The following AIG1 variants were observed in gnomAD, a reference collection of about 807,000 sequenced individuals.
AIG1 encodes the protein androgen induced 1, also known as androgen-induced gene 1 protein.
Under a neutral mutation model 31.4 loss-of-function variants are expected in AIG1, and 23 were observed. That is an observed-to-expected ratio of 0.73 (90% CI 0.53 to 1.04). The LOEUF is 1.04. Among genes scored for constraint, AIG1 ranks in the 50% least tolerant of loss-of-function variants. The pLI is 0.00. For synonymous variants in AIG1, 100 were observed against 110.5 expected, an observed-to-expected ratio of 0.90 and a Z score of 0.60; for missense variants, 274 against 295.0, an observed-to-expected ratio of 0.93 and a Z score of 0.52.
chr6:143,318,069 T>C (rs1775911728), intron 4 of AIG1, among the ~76,000 whole-genome samples: 1 of 152,158 alleles, frequency 6.6e-6, no homozygotes, highest in African/African-American at 2.4e-5. Context: ...ATGACCATAC[T>C]GCCAAAAGCA....
intron 3 of AIG1, among the ~76,000 whole-genome samples, chr6:143,272,009 A>T (rs890220622): frequency 2.6e-5 from 4 of 152,222 alleles, no homozygotes; most frequent in Admixed American, 2.6e-4. Context: ...ACTGGTTTGT[A>T]CATTCTCCCT....
intron 1 of AIG1, among the ~76,000 whole-genome samples, chr6:143,131,795 A>G (rs1339077353): frequency 6.6e-6 from 1 of 152,200 alleles, no homozygotes; most frequent in Non-Finnish European, 1.5e-5. Flanking sequence ...TACCCTAACC[A>G]TAAAACCTAG....
chr6:143,260,185 G>C (rs940064014), intron 3 of AIG1, among the ~76,000 whole-genome samples: 2 of 151,952 alleles, frequency 1.3e-5, no homozygotes, highest in Non-Finnish European at 2.9e-5. Flanking sequence ...CACCACGCCT[G>C]GTTAATTTTT....
In AIG1 at chr6:143,338,205, T is replaced by C. The variant is rs1209232244; in HGVS notation, c.680-1434T>C. ...GGACAGAGCTGAGGTTCAAGACACATGTGCTGTTTGAGCTGAATCTGTGCT... is the reference window on the plus strand; with the variant it reads ...GGACAGAGCTGAGGTTCAAGACACACGTGCTGTTTGAGCTGAATCTGTGCT... On this transcript the variant is annotated intron_variant, in intron 5 of 5. Coordinates refer to ENST00000357847, the MANE Select transcript of AIG1 (RefSeq NM_016108.4). This position sits in a 1 kb window ranked among gnomAD's most constrained non-coding sequence, Gnocchi z 4.3. The C allele has an allele frequency of 7.6e-6, 3 of 394,238 alleles. No homozygotes were observed. Among genetic ancestry groups the C allele is most frequent in the Non-Finnish European group, 1.3e-5 (3 of 223,816 alleles). 24.4% of individuals were successfully genotyped at this position (394,238 alleles called of 1,614,324 possible).
chr6:143,165,064 A>G lies in AIG1; in HGVS notation c.298-18A>G. 1.3e-6 allele frequency: 2 copies of G among 1,555,256 alleles called. No homozygotes were observed. The highest frequency in any genetic ancestry group is 2.2e-5 in the East Asian group (1 of 44,548). ...ATAGTCGATGAACTTGAAATAAAAG[A>G]TTTCTTTTTCCTTCCAGTTTGTTGT... is the stretch of plus-strand genomic sequence containing the variant. On this transcript the variant is annotated intron_variant, in intron 2 of 5. Coordinates refer to ENST00000357847, the MANE Select transcript of AIG1 (RefSeq NM_016108.4).
chr6:143,287,324 A>C (rs1039207584), intron 4 of AIG1, among the ~76,000 whole-genome samples: 2 of 152,176 alleles, frequency 1.3e-5, no homozygotes, highest in African/African-American at 4.8e-5. Context: ...TATCTTATTT[A>C]GTTCCCCAAA....
chr6:143,103,657 G>A (rs968743041), intron 1 of AIG1, among the ~76,000 whole-genome samples: 43 of 151,242 alleles, frequency 2.8e-4, no homozygotes, highest in Non-Finnish European at 1.3e-4. Context: ...ACAGGCGCCC[G>A]CCACTACGCC....
intron 1 of AIG1, among the ~76,000 whole-genome samples, chr6:143,094,557 A>C (rs1779585744): frequency 6.6e-6 from 1 of 152,166 alleles, no homozygotes; most frequent in East Asian, 1.9e-4. Flanking sequence ...GGTTTGTTGC[A>C]TGGAGGCCTA....
At chr6:143,263,124 C>A (rs1261769176) in intron 3 of AIG1, among the ~76,000 whole-genome samples, 1 of 152,164 alleles carries the variant, frequency 6.6e-6, no homozygotes, top group Non-Finnish European at 1.5e-5. Context: ...TTTACTCCCC[C>A]CAGTTGTCTT....
chr6:143,242,277 A>G, intron 3 of AIG1, among the ~76,000 whole-genome samples: 1 of 152,218 alleles, frequency 6.6e-6, no homozygotes, highest in East Asian at 1.9e-4. Flanking sequence ...GTTGCTGTGT[A>G]ATATGAGGAA....
chr6:143,209,965 T>G (rs1412484826), intron 3 of AIG1, among the ~76,000 whole-genome samples: 2 of 152,190 alleles, frequency 1.3e-5, no homozygotes, highest in African/African-American at 2.4e-5. Flanking sequence ...TCAAATACAC[T>G]AGTTGATACA....
chr6:143,287,809 A>G (rs566359295), intron 4 of AIG1, among the ~76,000 whole-genome samples: 49 of 151,042 alleles, frequency 3.2e-4, no homozygotes, highest in Non-Finnish European at 5.2e-4. Flanking sequence ...CTCAACAAAT[A>G]GTAGTATAAA....
At position 143,331,111 on chromosome 6, in the gene AIG1, A is replaced by G. The variant is rs991888259; in HGVS notation, c.516-2171A>G. ...GTTCCTCAATCTTTCTTTCATTACT[A>G]CTTCCCTCTACCAAGGAACCTTTGT... On this transcript the variant is annotated intron_variant, in intron 4 of 5. Transcript: ENST00000357847. The surrounding 1 kb of genome is among the most constrained non-coding windows in gnomAD (Gnocchi z 4.1). Among the ~76,000 whole-genome samples the G allele has an allele frequency of 2.0e-5, 3 of 150,932 alleles. No individual in the cohort carries two copies. Among genetic ancestry groups the G allele is most frequent in the Admixed American group, 6.6e-5 (1 of 15,150 alleles).
rs1226917389 is a variant in AIG1 at position 143,295,167 on chromosome 6, A to G, written c.515+10942A>G. The stretch of plus-strand genomic sequence containing the variant: ...AACCCATCTCTCTTGGGCCCACTCC[A>G]GGCAGTTGTTCACCAGTTTCTGAGT... On this transcript the variant is annotated intron_variant, in intron 4 of 5. Coordinates refer to ENST00000357847, the MANE Select transcript of AIG1 (RefSeq NM_016108.4). Among the ~76,000 whole-genome samples, 2 of 152,166 alleles carry G rather than the reference A, an allele frequency of 1.3e-5. 1 individual carries two copies. Among genetic ancestry groups the G allele is most frequent in the African/African-American group, 4.8e-5 (2 of 41,444 alleles).
upstream of AIG1, chr6:143,060,621 G>C (rs1220810012): frequency 2.2e-6 from 1 of 453,896 alleles, no homozygotes; most frequent in Non-Finnish European, 4.6e-6. Flanking sequence ...GGGTGTCCCG[G>C]GACCCTGCGA....
intron 3 of AIG1, among the ~76,000 whole-genome samples, chr6:143,270,964 A>G (rs1330024679): frequency 6.6e-6 from 1 of 152,192 alleles, no homozygotes; most frequent in East Asian, 1.9e-4. Flanking sequence ...ATGCACAGGC[A>G]CATTCTCTGT....
chr6:143,079,316 A>G (rs3804529), intron 1 of AIG1, among the ~76,000 whole-genome samples: 9,387 of 152,022 alleles, frequency 0.062, 682 homozygotes, highest in East Asian at 0.37. Context: ...CTTCTCCTGG[A>G]GTTTTTGCTG....
At position 143,274,916 on chromosome 6, in the gene AIG1, T is replaced by G. The variant is rs111800064; in HGVS notation, c.400-9194T>G. ...TGATAACAGTGGGAAATGTCTAGTA[T>G]AAACTCAGCATATATTAGGAGCTCA... On this transcript the variant is annotated intron_variant, in intron 3 of 5. Coordinates refer to ENST00000357847, the MANE Select transcript of AIG1 (RefSeq NM_016108.4). 3.3e-5 allele frequency among the ~76,000 whole-genome samples: 5 copies of G among 152,364 alleles called. No homozygotes were observed. In the East Asian group the frequency reaches 9.6e-4, roughly 29 times the overall value.
At chr6:143,065,988 A>C (rs770668605) in intron 1 of AIG1, among the ~76,000 whole-genome samples, 1 of 152,112 alleles carries the variant, frequency 6.6e-6, no homozygotes, top group Non-Finnish European at 1.5e-5. Flanking sequence ...TTCCTCCTAG[A>C]CTGGCTTTTC....
Sources: gnomAD v4.1 joint callset for allele counts (sites outside exome capture counted in the v4.1 genomes callset) on GRCh38, gnomAD v4.1.1 for gene constraint, Gnocchi (gnomAD v3.1) non-coding constraint, MANE v1.5 for transcripts, NCBI Gene and HGNC (gene_info 2026-07-23, HGNC 2026-07-21) for gene names.